UBXN2A: variants seen among roughly 807,000 people sequenced by gnomAD.
The protein encoded by UBXN2A is UBX domain protein 2A, also known as UBX domain-containing protein 2A.
Under a neutral mutation model 28.4 loss-of-function variants are expected in UBXN2A, and 28 were observed. That is an observed-to-expected ratio of 0.99 (90% CI 0.73 to 1.35). The LOEUF is 1.35. UBXN2A is among the 40% of genes most tolerant of loss of function. The pLI is 0.00. For missense variants in UBXN2A, 253 were observed against 297.9 expected, an observed-to-expected ratio of 0.85 and a Z score of 1.11; for synonymous variants, 97 against 103.6, an observed-to-expected ratio of 0.94 and a Z score of 0.39.
chr2:23,951,270 C>T (rs1020221954), intron 1 of UBXN2A, among the ~76,000 whole-genome samples: 3 of 151,742 alleles, frequency 2.0e-5, no homozygotes, highest in Non-Finnish European at 4.4e-5. Context: ...TCCAAAAGAG[C>T]TGGGATCTTT....
chr2:23,959,610 T>G (rs1706803755), intron 2 of UBXN2A, among the ~76,000 whole-genome samples: 1 of 152,186 alleles, frequency 6.6e-6, no homozygotes, highest in East Asian at 1.9e-4. Flanking sequence ...GTAGTTATAC[T>G]CATGATTATA....
chr2:23,984,760 AC>A lies in UBXN2A; in HGVS notation c.516del (p.Ile173LeufsTer24). The A allele has an allele frequency of 1.3e-6, 2 of 1,574,060 alleles. No individual in the cohort carries two copies. The highest frequency in any genetic ancestry group is 1.7e-6 in the Non-Finnish European group (2 of 1,168,670). Reference sequence around the variant, plus strand: ...CTGCTGTTCCACTGAACAACTTGGAACCCATTACTAATATACAGATCTGGTT... The same window carrying A: ...CTGCTGTTCCACTGAACAACTTGGAACCATTACTAATATACAGATCTGGTT... ...LSAVPLNNLE[P>X]ITNIQIWLAN... On this transcript the variant is annotated frameshift_variant, in exon 6 of 7. Transcript: ENST00000309033. LOFTEE classifies it high-confidence loss of function.
At position 24,000,097 on chromosome 2, in the gene UBXN2A, T is replaced by C. The variant is rs1338793073; in HGVS notation, c.*230T>C. ...AAAAGACTACCCAGAAAAATAGACT[T>C]ATTTTCAAATACCAGTTATCAAGAT... On this transcript the variant is annotated 3_prime_UTR_variant, in exon 7 of 7. Coordinates refer to ENST00000309033, the MANE Select transcript of UBXN2A (RefSeq NM_181713.4). 2.1e-6 allele frequency: 1 copy of C among 476,872 alleles called. No individual in the cohort carries two copies. Among genetic ancestry groups the C allele is most frequent in the Non-Finnish European group, 3.7e-6 (1 of 272,254 alleles). 29.5% of individuals were successfully genotyped at this position (476,872 alleles called of 1,614,324 possible). A position where few individuals can be genotyped will look rare whatever the true frequency, so the allele number is the denominator to read the frequency against.
rs1350908870 is a variant in UBXN2A at position 23,940,572 on chromosome 2, C to T, written c.-91C>T. ...CGCTCCGGCTCTGAAGGGCTCCAGC[C>T]AAACGGAGCCCGCGGCCAAACGGTG... On this transcript the variant is annotated 5_prime_UTR_variant, in exon 1 of 7. Transcript: ENST00000309033. The T allele has an allele frequency of 6.6e-6, 1 of 151,344 alleles. No homozygotes were observed. The highest frequency in any genetic ancestry group is 2.4e-5 in the African/African-American group (1 of 41,368). 9.4% of individuals were successfully genotyped at this position (151,344 alleles called of 1,614,324 possible).
At chr2:23,976,910 A>G in intron 3 of UBXN2A, 59 bp from the exon 4 acceptor site, 1 of 1,430,108 alleles carries the variant, frequency 7.0e-7, no homozygotes, top group Non-Finnish European at 9.7e-7. Flanking sequence ...TTTTCAAAGG[A>G]CTTTCAATCC....
upstream of UBXN2A, among the ~76,000 whole-genome samples, chr2:23,936,883 G>A (rs1207377561): frequency 6.6e-6 from 1 of 151,620 alleles, no homozygotes; most frequent in Admixed American, 6.6e-5. Flanking sequence ...GCTAATTTTT[G>A]TATTTTTAGT....
rs535537029 is a variant in UBXN2A, at chr2:23,972,635, A to G, written c.180+1221A>G. Among the ~76,000 whole-genome samples, 3 of 152,190 alleles carry G rather than the reference A, an allele frequency of 2.0e-5. No homozygotes were observed. In the South Asian group the frequency reaches 6.2e-4, roughly 32 times the overall value. On this transcript the variant is annotated intron_variant, in intron 3 of 6. Transcript: ENST00000309033. ...TCAGGAGTTCAAGATCAGCCTGATC[A>G]ACATGGTGAAACCCTGTCTCTACTA... is the stretch of plus-strand genomic sequence containing the variant.
chr2:23,965,433 G>T (rs1452852976), intron 2 of UBXN2A, among the ~76,000 whole-genome samples: 1 of 152,148 alleles, frequency 6.6e-6, no homozygotes, highest in Non-Finnish European at 1.5e-5. Context: ...ATGGTTGTTA[G>T]ATATTGTCTA....
chr2:24,004,098 C>T lies in UBXN2A; in HGVS notation c.*4231C>T, dbSNP rs1235940904. 1.3e-5 allele frequency: 2 copies of T among 152,168 alleles called. No homozygotes were observed. Among genetic ancestry groups the T allele is most frequent in the Non-Finnish European group, 2.9e-5 (2 of 68,028 alleles). 9.4% of individuals were successfully genotyped at this position (152,168 alleles called of 1,614,324 possible). A position where few individuals can be genotyped will look rare whatever the true frequency, so the allele number is the denominator to read the frequency against. On this transcript the variant is annotated 3_prime_UTR_variant, in exon 7 of 7. Transcript: ENST00000309033. ...TTCATTATTCTAACTGTGAAACGTT[C>T]ATTAATGCGAATAATATCCTCAAAG...
chr2:23,964,502 G>A (rs1286285772), intron 2 of UBXN2A, among the ~76,000 whole-genome samples: 4 of 152,196 alleles, frequency 2.6e-5, no homozygotes, highest in African/African-American at 4.8e-5. Context: ...GAGCCACCAC[G>A]CTCGGCTATT....
rs889923932 is a variant in UBXN2A at position 24,002,300 on chromosome 2, G to A, written c.*2433G>A. On this transcript the variant is annotated 3_prime_UTR_variant, in exon 7 of 7. Transcript: ENST00000309033. ...CATGCCTGTAATCTCAGCTACTAGG[G>A]AGGCTGAGGGAGGAGAATTGCTTGA... 1.3e-5 allele frequency: 2 copies of A among 152,218 alleles called. No individual in the cohort carries two copies. Among genetic ancestry groups the A allele is most frequent in the African/African-American group, 4.8e-5 (2 of 41,382 alleles). The allele number at this position is 152,218 out of a possible 1,614,324, so 9.4% of individuals were successfully genotyped here.
upstream of UBXN2A, among the ~76,000 whole-genome samples, chr2:23,940,129 A>AAAT (rs1705672967): frequency 1.4e-5 from 2 of 142,062 alleles, no homozygotes; most frequent in Non-Finnish European, 3.1e-5. Flanking sequence ...AAAAAAAAAA[A>AAAT]GGTGGGTGGG....
intron 1 of UBXN2A, among the ~76,000 whole-genome samples, chr2:23,953,886 T>C (rs779795651): frequency 1.2e-4 from 19 of 152,336 alleles, no homozygotes; most frequent in Non-Finnish European, 2.6e-4. Context: ...TAGATGATGG[T>C]ACAAGCTTTT....
chr2:23,957,614 C>A (rs1181217007), intron 1 of UBXN2A, among the ~76,000 whole-genome samples: 1 of 151,972 alleles, frequency 6.6e-6, no homozygotes, highest in Non-Finnish European at 1.5e-5. Context: ...GCAGGTGGAT[C>A]ACCTGAGGTT....
intron 2 of UBXN2A, among the ~76,000 whole-genome samples, chr2:23,960,795 G>A (rs1032388790): frequency 6.6e-6 from 1 of 152,020 alleles, no homozygotes; most frequent in African/African-American, 2.4e-5. Flanking sequence ...ACCATGCTCA[G>A]CTAAGTTTTT....
intron 6 of UBXN2A, among the ~76,000 whole-genome samples, chr2:23,995,394 T>C (rs1037016840): frequency 2.6e-5 from 4 of 152,102 alleles, no homozygotes; most frequent in African/African-American, 9.7e-5. Flanking sequence ...CCTTGACTTA[T>C]GATGTAATGT....
intron 1 of UBXN2A, among the ~76,000 whole-genome samples, chr2:23,957,771 T>C (rs1159745460): frequency 2.0e-5 from 3 of 151,872 alleles, no homozygotes; most frequent in African/African-American, 7.3e-5. Flanking sequence ...GAGATGGAGG[T>C]TGTGGTGAGC....
At chr2:23,983,737 A>G (rs1708010333) in intron 5 of UBXN2A, among the ~76,000 whole-genome samples, 1 of 151,898 alleles carries the variant, frequency 6.6e-6, no homozygotes, top group African/African-American at 2.4e-5. Flanking sequence ...GTGCAGTGGC[A>G]TGATCTTGGC....
chr2:23,969,931 A>T (rs6730855), intron 2 of UBXN2A, among the ~76,000 whole-genome samples: 1 of 152,026 alleles, frequency 6.6e-6, no homozygotes, highest in African/African-American at 2.4e-5. Context: ...TTTAGTTCAA[A>T]AGTGTTTTCT....
Sources: gnomAD v4.1 joint callset for allele counts (sites outside exome capture counted in the v4.1 genomes callset) on GRCh38, gnomAD v4.1.1 for gene constraint, MANE v1.5 for transcripts, NCBI Gene and HGNC (gene_info 2026-07-23, HGNC 2026-07-21) for gene names.